Variants in DSCAM observed in about 807,000 individuals in gnomAD.
DSCAM encodes the protein DS cell adhesion molecule, also known as cell adhesion molecule DSCAM.
Under a neutral mutation model 217.7 loss-of-function variants are expected in DSCAM, and 47 were observed. That is an observed-to-expected ratio of 0.22 (90% CI 0.17 to 0.28). DSCAM has a LOEUF of 0.28. Ranked by LOEUF, DSCAM falls within the 10% of genes least tolerant of loss-of-function variation. The pLI is 1.00. For missense variants in DSCAM, 2,080 were observed against 2,618.3 expected (o/e 0.79, Z 4.49); for synonymous variants, 1,056 against 1,015.3 (o/e 1.04, Z -0.76).
intron 27 of DSCAM, among the ~76,000 whole-genome samples, chr21:40,063,546 TAA>T (rs2089157556): frequency 6.6e-6 from 1 of 152,190 alleles, no homozygotes; most frequent in South Asian, 2.1e-4. Flanking sequence ...CTTTAAAATA[TAA>T]TTTATTCTTT....
intron 3 of DSCAM, among the ~76,000 whole-genome samples, chr21:40,652,347 CA>C (rs56384103): frequency 0.043 from 6,093 of 142,582 alleles, 374 homozygotes; most frequent in African/African-American, 0.13. Flanking sequence ...ACAACAACAA[CA>C]AAAAAAAAAA....
At chr21:40,280,919 T>C (rs946408465) in intron 10 of DSCAM, among the ~76,000 whole-genome samples, 1 of 152,066 alleles carries the variant, frequency 6.6e-6, no homozygotes, top group Non-Finnish European at 1.5e-5. Flanking sequence ...GAACTGGGAG[T>C]TGGTCTTCAG....
intron 1 of DSCAM, among the ~76,000 whole-genome samples, chr21:40,746,486 C>T (rs11088529): frequency 0.3 from 44,773 of 151,118 alleles, 7,720 homozygotes; most frequent in East Asian, 0.41. Context: ...GGGATCAATA[C>T]AGAAAGAGAA....
intron 3 of DSCAM, among the ~76,000 whole-genome samples, chr21:40,416,625 T>A (rs534060495): frequency 6.6e-6 from 1 of 152,162 alleles, no homozygotes; most frequent in South Asian, 2.1e-4. Context: ...GGGAAAAAAG[T>A]GAGCTATTTG....
chr21:40,083,688 C>T (rs1347601368), intron 24 of DSCAM, among the ~76,000 whole-genome samples: 1 of 152,168 alleles, frequency 6.6e-6, no homozygotes, highest in Admixed American at 6.5e-5. Flanking sequence ...TGATATTTCA[C>T]TCTTAAATGA....
rs1351821047 is a variant in DSCAM, at chr21:40,011,008, A to AT, written c.*2025dup. Reference sequence around the variant, plus strand: ...ATTCTAGAGGCAGACATAATGTAGAATTTTTTTATTTTTGTACAGGTTGAG... The same window carrying AT: ...ATTCTAGAGGCAGACATAATGTAGAATTTTTTTTATTTTTGTACAGGTTGAG... On this transcript the variant is annotated 3_prime_UTR_variant, in exon 33 of 33. Coordinates refer to ENST00000400454, the MANE Select transcript of DSCAM (RefSeq NM_001389.5). The AT allele has an allele frequency of 2.0e-5, 3 of 152,142 alleles. No individual in the cohort carries two copies. The highest frequency in any genetic ancestry group is 4.4e-5 in the Non-Finnish European group (3 of 68,030). The allele number at this position is 152,142 out of a possible 1,614,324, so 9.4% of individuals were successfully genotyped here.
chr21:40,069,136 T>C lies in DSCAM; in HGVS notation c.4888+5901A>G, dbSNP rs1407158595. ...AAGAAAGAAAATTGGGGCATCATAA[T>C]GGGCAGTTCATACTCAACCATTTTG... On this transcript the variant is annotated intron_variant, in intron 27 of 32. Coordinates refer to ENST00000400454, the MANE Select transcript of DSCAM (RefSeq NM_001389.5). Among the ~76,000 whole-genome samples the C allele has an allele frequency of 5.3e-5, 8 of 151,424 alleles. No homozygotes were observed. In the South Asian group the frequency reaches 1.3e-3, roughly 24 times the overall value.
intron 14 of DSCAM, among the ~76,000 whole-genome samples, chr21:40,186,253 TTAC>T (rs1219120452): frequency 6.6e-6 from 1 of 152,182 alleles, no homozygotes; most frequent in Non-Finnish European, 1.5e-5. Context: ...GCTTGATTTT[TTAC>T]TACAGCTTTA....
intron 3 of DSCAM, among the ~76,000 whole-genome samples, chr21:40,409,262 C>T (rs1488104455): frequency 6.6e-6 from 1 of 152,214 alleles, no homozygotes; most frequent in Non-Finnish European, 1.5e-5. Context: ...CTTCCACATT[C>T]AGCCTTGATT....
chr21:40,018,444 T>C (rs1032591992), intron 32 of DSCAM, among the ~76,000 whole-genome samples: 7 of 152,242 alleles, frequency 4.6e-5, no homozygotes, highest in African/African-American at 1.7e-4. Flanking sequence ...GTTCTTTAAA[T>C]ATATAGGTCA....
chr21:40,170,531 C>T (rs556006690), intron 15 of DSCAM, among the ~76,000 whole-genome samples: 4 of 152,196 alleles, frequency 2.6e-5, no homozygotes, highest in East Asian at 3.9e-4. Flanking sequence ...GAACAGGAGC[C>T]GAGGGAGAGA....
chr21:40,833,004 C>T (rs376821627), intron 1 of DSCAM, among the ~76,000 whole-genome samples: 1 of 152,146 alleles, frequency 6.6e-6, no homozygotes, highest in Admixed American at 6.5e-5. Flanking sequence ...AAAACAAAAC[C>T]AGATGATGTC....
chr21:40,657,059 A>G (rs987291140), intron 3 of DSCAM, among the ~76,000 whole-genome samples: 4 of 152,340 alleles, frequency 2.6e-5, no homozygotes, highest in African/African-American at 9.6e-5. Context: ...TAAACTTGTT[A>G]AAGTATTTCA....
chr21:40,786,071 T>C (rs1164653371), intron 1 of DSCAM, among the ~76,000 whole-genome samples: 1 of 152,086 alleles, frequency 6.6e-6, no homozygotes, highest in African/African-American at 2.4e-5. Flanking sequence ...ACCCTGTCTC[T>C]ACCAAAAATA....
At chr21:40,822,318 C>CA (rs61569827) in intron 1 of DSCAM, among the ~76,000 whole-genome samples, 10 of 57,828 alleles carry the variant, frequency 1.7e-4, no homozygotes, top group East Asian at 6.7e-4. Flanking sequence ...GATCTTTTCT[C>CA]AAAAAAAAAA....
chr21:40,343,190 A>G (rs1047006914), intron 6 of DSCAM, among the ~76,000 whole-genome samples: 2 of 152,108 alleles, frequency 1.3e-5, no homozygotes, highest in Non-Finnish European at 2.9e-5. Context: ...TCTTTTAGAA[A>G]TTGCTTTATT....
At chr21:40,320,519 G>T (rs187289469) in intron 8 of DSCAM, among the ~76,000 whole-genome samples, 67 of 152,138 alleles carry the variant, frequency 4.4e-4, no homozygotes, top group South Asian at 2.5e-3. Flanking sequence ...AATAAATTTT[G>T]TCACTGTGTT....
intron 4 of DSCAM, among the ~76,000 whole-genome samples, chr21:40,363,690 A>C (rs2074793679): frequency 6.6e-6 from 1 of 152,328 alleles, no homozygotes; most frequent in Middle Eastern, 3.4e-3. Flanking sequence ...GGATCTAATT[A>C]AACTAAAGAT....
intron 3 of DSCAM, among the ~76,000 whole-genome samples, chr21:40,415,095 T>C (rs1157702729): frequency 6.6e-6 from 1 of 152,214 alleles, no homozygotes; most frequent in Non-Finnish European, 1.5e-5. Context: ...GAATTTGATT[T>C]GGACGTTTTT....
Sources: gnomAD v4.1 joint callset for allele counts (sites outside exome capture counted in the v4.1 genomes callset) on GRCh38, gnomAD v4.1.1 for gene constraint, MANE v1.5 for transcripts, NCBI Gene and HGNC (gene_info 2026-07-23, HGNC 2026-07-21) for gene names.